Variants in SNX29 observed in about 807,000 individuals in gnomAD.
SNX29 encodes the protein sorting nexin 29.
Under a neutral mutation model 102.1 loss-of-function variants are expected in SNX29, and 78 were observed. The observed-to-expected ratio is 0.76, with a 90% CI of 0.64 to 0.92. The LOEUF is 0.92. SNX29 is among the 40% of genes least tolerant of loss of function. SNX29 has a pLI of 0.00. For missense variants in SNX29, 1,280 were observed against 1,061.7 expected, an observed-to-expected ratio of 1.21 and a Z score of -2.86; for synonymous variants, 580 against 414.5, an observed-to-expected ratio of 1.40 and a Z score of -4.85.
chr16:11,979,771 A>T (rs556674391), intron 1 of SNX29, among the ~76,000 whole-genome samples: 2 of 151,872 alleles, frequency 1.3e-5, no homozygotes, highest in Non-Finnish European at 2.9e-5. Context: ...TTTAGTAGAG[A>T]TGGAGTTTCG....
At chr16:11,988,944 T>C (rs2055738191) in intron 1 of SNX29, among the ~76,000 whole-genome samples, 1 of 152,128 alleles carries the variant, frequency 6.6e-6, no homozygotes, top group Non-Finnish European at 1.5e-5. Flanking sequence ...TTTTGCTCTT[T>C]ACAGGAAATA....
intron 19 of SNX29, among the ~76,000 whole-genome samples, chr16:12,512,300 C>G (rs2089654799): frequency 6.9e-6 from 1 of 145,372 alleles, no homozygotes. Context: ...GGTGAGGGCC[C>G]TTGAGTGCTC....
At chr16:12,282,229 A>T (rs1192393857) in intron 15 of SNX29, among the ~76,000 whole-genome samples, 1 of 152,174 alleles carries the variant, frequency 6.6e-6, no homozygotes, top group Non-Finnish European at 1.5e-5. Context: ...AGAGACGATC[A>T]CTACCGATGT....
At chr16:12,519,600 G>C (rs922934564) in intron 19 of SNX29, among the ~76,000 whole-genome samples, 1 of 152,160 alleles carries the variant, frequency 6.6e-6, no homozygotes, top group Non-Finnish European at 1.5e-5. Context: ...TTAGCGAAAA[G>C]GTAAAAATGA....
At chr16:12,460,209 C>T (rs540058736) in intron 18 of SNX29, among the ~76,000 whole-genome samples, 24 of 152,290 alleles carry the variant, frequency 1.6e-4, no homozygotes, top group Non-Finnish European at 2.4e-4. Context: ...AACCACGGCT[C>T]GCAGCCAGAC....
At chr16:12,562,288 G>A (rs2078770135) in intron 20 of SNX29, among the ~76,000 whole-genome samples, 1 of 152,158 alleles carries the variant, frequency 6.6e-6, no homozygotes, top group Non-Finnish European at 1.5e-5. Context: ...CTCTATCCCA[G>A]CATCAAACGT....
intron 15 of SNX29, among the ~76,000 whole-genome samples, chr16:12,321,180 T>A (rs942361126): frequency 3.9e-5 from 6 of 152,046 alleles, no homozygotes; most frequent in African/African-American, 1.2e-4. Flanking sequence ...CACATCCCAG[T>A]CTCACCCCAC....
chr16:12,320,056 C>G (rs1244855878), intron 15 of SNX29, among the ~76,000 whole-genome samples: 1 of 152,162 alleles, frequency 6.6e-6, no homozygotes, highest in African/African-American at 2.4e-5. Flanking sequence ...GCTGCCACCT[C>G]TCTGCAGTCA....
At chr16:12,323,158 GGTCACTGGA>G (rs1452789577) in intron 15 of SNX29, among the ~76,000 whole-genome samples, 52 of 90,300 alleles carry the variant, frequency 5.8e-4, no homozygotes, top group South Asian at 2.3e-3. Flanking sequence ...GTCAGGATGT[GGTCACTGGA>G]GTCACTGGAG....
rs903170318 is a variant in SNX29, at chr16:11,976,800, AG to A, written c.-5del. The A allele has an allele frequency of 2.7e-5, 37 of 1,376,870 alleles. No homozygotes were observed. The African/African-American group carries it at 5.4e-4, about 20-fold the overall frequency. 85.3% of individuals were successfully genotyped at this position (1,376,870 alleles called of 1,614,324 possible). On this transcript the variant is annotated 5_prime_UTR_variant, in exon 1 of 21. Transcript: ENST00000566228. ...GCGGCGCAGGCACCGGCCCGGGGAG[AG>A]GCACCATGAGCGGTGAGTGGCGGCC... is the stretch of plus-strand genomic sequence containing the variant.
At chr16:12,473,879 G>T (rs923242419) in intron 18 of SNX29, among the ~76,000 whole-genome samples, 3 of 152,102 alleles carry the variant, frequency 2.0e-5, no homozygotes, top group African/African-American at 7.2e-5. Context: ...TCCATTTCTT[G>T]TTTAGCATAT....
intron 16 of SNX29, among the ~76,000 whole-genome samples, chr16:12,366,626 G>A (rs370358982): frequency 1.5e-4 from 23 of 152,292 alleles, no homozygotes; most frequent in African/African-American, 5.5e-4. Flanking sequence ...GTCTAGAACA[G>A]CACTGCCTTT....
At chr16:12,206,887 A>G (rs2077058739) in intron 14 of SNX29, among the ~76,000 whole-genome samples, 2 of 145,322 alleles carry the variant, frequency 1.4e-5, no homozygotes, top group South Asian at 4.5e-4. Context: ...GTTTGGAACC[A>G]CTGCCTTGGA....
chr16:11,983,489 G>A (rs1338609290), intron 1 of SNX29, among the ~76,000 whole-genome samples: 1 of 151,874 alleles, frequency 6.6e-6, no homozygotes, highest in East Asian at 1.9e-4. Context: ...ATGAATGAAT[G>A]AATGAAAAAA....
chr16:12,561,653 G>T (rs191746075), intron 20 of SNX29, among the ~76,000 whole-genome samples: 2 of 152,170 alleles, frequency 1.3e-5, no homozygotes, highest in South Asian at 2.1e-4. Context: ...AGCCACTCCT[G>T]GGGCCCTCTG....
intron 16 of SNX29, among the ~76,000 whole-genome samples, chr16:12,364,534 T>C (rs889440054): frequency 6.6e-6 from 1 of 152,210 alleles, no homozygotes; most frequent in Non-Finnish European, 1.5e-5. Context: ...GATTACACTC[T>C]GGGAGAAGAG....
chr16:12,226,136 G>A (rs1373660816), intron 14 of SNX29, among the ~76,000 whole-genome samples: 2 of 152,162 alleles, frequency 1.3e-5, no homozygotes, highest in Admixed American at 6.5e-5. Context: ...AAGAACGGTC[G>A]TGTTCGACAT....
intron 20 of SNX29, among the ~76,000 whole-genome samples, chr16:12,562,454 T>G (rs781276986): frequency 6.6e-6 from 1 of 152,150 alleles, no homozygotes; most frequent in Non-Finnish European, 1.5e-5. Context: ...TTGACTTTGA[T>G]CCCCCTTCAT....
At chr16:12,252,808 C>T (rs760646439) in intron 14 of SNX29, among the ~76,000 whole-genome samples, 1 of 152,214 alleles carries the variant, frequency 6.6e-6, no homozygotes, top group African/African-American at 2.4e-5. Flanking sequence ...TTTGGTGGGC[C>T]GCCAGCTGTG....
Sources: gnomAD v4.1 joint callset for allele counts (sites outside exome capture counted in the v4.1 genomes callset) on GRCh38, gnomAD v4.1.1 for gene constraint, MANE v1.5 for transcripts, NCBI Gene and HGNC (gene_info 2026-07-23, HGNC 2026-07-21) for gene names.